Variants in PAK1 observed in about 807,000 individuals in gnomAD.
The protein encoded by PAK1 is p21 (RAC1) activated kinase 1.
PAK1 carries 29 observed loss-of-function variants against 67.4 expected under a neutral mutation model. The observed-to-expected ratio is 0.43, with a 90% CI of 0.32 to 0.59. The LOEUF (loss-of-function observed/expected upper bound fraction) is 0.59. Among genes scored for constraint, PAK1 ranks in the 20% least tolerant of loss-of-function variants. The pLI, the probability that PAK1 is intolerant of heterozygous loss-of-function variation, is 0.07. For missense variants in PAK1, 337 were observed against 670.7 expected, an observed-to-expected ratio of 0.50 and a Z score of 5.50; for synonymous variants, 223 against 237.4, an observed-to-expected ratio of 0.94 and a Z score of 0.56.
chr11:77,431,629 C>T (rs1955863812), intron 1 of PAK1, among the ~76,000 whole-genome samples: 1 of 152,158 alleles, frequency 6.6e-6, no homozygotes, highest in African/African-American at 2.4e-5. Flanking sequence ...AGAAGTAAAG[C>T]ATCTTTCCCC....
intron 1 of PAK1, among the ~76,000 whole-genome samples, chr11:77,409,877 A>C (rs1954240198): frequency 6.6e-6 from 1 of 152,146 alleles, no homozygotes. Flanking sequence ...AACATGGTAA[A>C]TTCTTTCAAA....
chr11:77,446,444 A>G (rs1235125031), intron 1 of PAK1, among the ~76,000 whole-genome samples: 4 of 149,846 alleles, frequency 2.7e-5, no homozygotes, highest in Admixed American at 2.7e-4. Flanking sequence ...CCCAGGAGAC[A>G]GAGGTTGCAG....
rs548096783 is a variant in PAK1 at position 77,330,918 on chromosome 11, C to A, written c.1551+1812G>T. On this transcript the variant is annotated intron_variant, in intron 14 of 14. Coordinates refer to ENST00000356341, the MANE Select transcript of PAK1 (RefSeq NM_002576.5). ...AAGGGCTAATATCCAGAATCTACAA[C>A]GAACTCAAACAAATTTACAAGAAAA... Among the ~76,000 whole-genome samples the A allele has an allele frequency of 3.3e-5, 5 of 152,020 alleles. No homozygotes were observed. In the South Asian group the frequency reaches 1.0e-3, roughly 32 times the overall value.
intron 1 of PAK1, among the ~76,000 whole-genome samples, chr11:77,412,915 C>A (rs1302966450): frequency 6.6e-6 from 1 of 152,172 alleles, no homozygotes; most frequent in Non-Finnish European, 1.5e-5. Context: ...TGTGATGGAA[C>A]CTGAGCTGAA....
the PAK1 span, among the ~76,000 whole-genome samples, chr11:77,499,809 A>G: frequency 6.6e-6 from 1 of 152,316 alleles, no homozygotes; most frequent in Middle Eastern, 3.4e-3. Flanking sequence ...ACACACACAC[A>G]CATACACACA....
At chr11:77,484,428 C>A in the PAK1 span, among the ~76,000 whole-genome samples, 1 of 152,142 alleles carries the variant, frequency 6.6e-6, no homozygotes. Context: ...TAGTGCTCAA[C>A]CTGTATTCTA....
chr11:77,457,421 G>C (rs1179866854), intron 1 of PAK1, among the ~76,000 whole-genome samples: 1 of 152,178 alleles, frequency 6.6e-6, no homozygotes, highest in Non-Finnish European at 1.5e-5. Context: ...TTAGTAAAAA[G>C]GTGCTTTGAA....
At chr11:77,377,790 T>G (rs1198689281) in intron 4 of PAK1, among the ~76,000 whole-genome samples, 1 of 152,202 alleles carries the variant, frequency 6.6e-6, no homozygotes, top group Non-Finnish European at 1.5e-5. Flanking sequence ...TAACCTGATG[T>G]TTCCATGACA....
intron 1 of PAK1, among the ~76,000 whole-genome samples, chr11:77,428,527 G>A (rs1343551638): frequency 4.0e-5 from 6 of 150,526 alleles, no homozygotes; most frequent in Admixed American, 2.7e-4. Context: ...AGCCGAGATT[G>A]CACCACTGCA....
rs764419759 is a variant in PAK1 at position 77,323,240 on chromosome 11, G to A, written c.*34C>T. The A allele has an allele frequency of 1.2e-6, 2 of 1,613,506 alleles. No homozygotes were observed. Among genetic ancestry groups the A allele is most frequent in the East Asian group, 2.2e-5 (1 of 44,852 alleles). ...TGAAATGTGCATTTATCTCACAGAAGGCTTGGCACAATGAGGCTGGGGTGA... is the reference window on the plus strand; with the variant it reads ...TGAAATGTGCATTTATCTCACAGAAAGCTTGGCACAATGAGGCTGGGGTGA... On this transcript the variant is annotated 3_prime_UTR_variant, in exon 15 of 15. Transcript: ENST00000356341.
chr11:77,368,608 T>C (rs920459683), intron 5 of PAK1, among the ~76,000 whole-genome samples: 2 of 152,214 alleles, frequency 1.3e-5, no homozygotes, highest in African/African-American at 2.4e-5. Flanking sequence ...GAGCTACTTA[T>C]TACAAGTCCT....
At chr11:77,423,441 A>AC (rs1491360194) in intron 1 of PAK1, among the ~76,000 whole-genome samples, 1 of 139,474 alleles carries the variant, frequency 7.2e-6, no homozygotes, top group African/African-American at 2.9e-5. Context: ...ACACACACAC[A>AC]CCCCTTAGGA....
intron 10 of PAK1, among the ~76,000 whole-genome samples, chr11:77,341,789 G>A (rs987201669): frequency 1.3e-5 from 2 of 152,168 alleles, no homozygotes; most frequent in Non-Finnish European, 2.9e-5. Flanking sequence ...GGACAGATGT[G>A]GAGACTGTTG....
chr11:77,467,340 T>C (rs894739170), intron 1 of PAK1, among the ~76,000 whole-genome samples: 5 of 152,216 alleles, frequency 3.3e-5, no homozygotes, highest in African/African-American at 1.2e-4. Flanking sequence ...TGTCTCAATG[T>C]AGTGTAATTG....
intron 6 of PAK1, chr11:77,356,062 A>G (rs1275684145): frequency 4.6e-6 from 2 of 436,974 alleles, no homozygotes; most frequent in African/African-American, 4.0e-5. Flanking sequence ...TGAGAGTCTC[A>G]GCACTAAAGA....
chr11:77,517,034 A>C, the PAK1 span, among the ~76,000 whole-genome samples: 2 of 152,032 alleles, frequency 1.3e-5, no homozygotes, highest in Non-Finnish European at 2.9e-5. Flanking sequence ...AAATAAACTA[A>C]CTAAAGAAAA....
the PAK1 span, among the ~76,000 whole-genome samples, chr11:77,490,975 A>C: frequency 6.6e-6 from 1 of 152,174 alleles, no homozygotes; most frequent in Non-Finnish European, 1.5e-5. Context: ...TCAAGTACCC[A>C]GGGACACAAA....
rs1402433187 is a variant in PAK1 at position 77,331,363 on chromosome 11, C to T, written c.1551+1367G>A. Among the ~76,000 whole-genome samples, 3 of 152,284 alleles carry T rather than the reference C, an allele frequency of 2.0e-5. No homozygotes were observed. The East Asian group carries it at 5.8e-4, about 29-fold the overall frequency. On this transcript the variant is annotated intron_variant, in intron 14 of 14. Transcript: ENST00000356341. The stretch of plus-strand genomic sequence containing the variant: ...ATGTTTATAGTGGCACTATTCACAA[C>T]AGCAAAGACTTGGAACCAACCTAAA...
At chr11:77,405,481 G>T (rs979535830) in intron 1 of PAK1, among the ~76,000 whole-genome samples, 5 of 152,002 alleles carry the variant, frequency 3.3e-5, no homozygotes, top group Non-Finnish European at 5.9e-5. Context: ...GCAATAGGGG[G>T]AGAGAAGTAA....
Sources: gnomAD v4.1 joint callset for allele counts (sites outside exome capture counted in the v4.1 genomes callset) on GRCh38, gnomAD v4.1.1 for gene constraint, MANE v1.5 for transcripts, NCBI Gene and HGNC (gene_info 2026-07-23, HGNC 2026-07-21) for gene names.